The following FBLN5 variants were observed in gnomAD, a reference collection of about 807,000 sequenced individuals.
FBLN5 encodes fibulin-5.
Under a neutral mutation model 61.6 loss-of-function variants are expected in FBLN5, and 24 were observed. That is an observed-to-expected ratio of 0.39 (90% confidence interval 0.28 to 0.55). The LOEUF is 0.55. FBLN5 is among the 20% of genes least tolerant of loss of function. The probability of loss-of-function intolerance (pLI) is 0.65; values close to 1 mark genes in which losing one functional copy is unlikely to be tolerated. For missense variants in FBLN5, 470 were observed against 594.1 expected (o/e 0.79, Z 2.17); for synonymous variants, 213 against 219.8 (o/e 0.97, Z 0.27).
chr14:91,931,436 T>G (rs1296812816), intron 4 of FBLN5, among the ~76,000 whole-genome samples: 1 of 152,176 alleles, frequency 6.6e-6, no homozygotes. Context: ...ACTGGCTGGC[T>G]TTCAGGAAAA....
intron 4 of FBLN5, among the ~76,000 whole-genome samples, chr14:91,916,330 C>T (rs1035073933): frequency 3.3e-5 from 5 of 152,210 alleles, no homozygotes; most frequent in Admixed American, 3.3e-4. Flanking sequence ...TGCCTGTAAT[C>T]CCAGCTACTC....
chr14:91,919,219 T>G (rs1225607363), intron 4 of FBLN5, among the ~76,000 whole-genome samples: 1 of 151,370 alleles, frequency 6.6e-6, no homozygotes, highest in African/African-American at 2.4e-5. Context: ...TAATCCCAGC[T>G]ACTTGGGTGG....
chr14:91,942,557 G>C (rs2056122229), intron 2 of FBLN5, among the ~76,000 whole-genome samples: 2 of 152,376 alleles, frequency 1.3e-5, no homozygotes, highest in Admixed American at 6.5e-5. Context: ...ACCTAGTGAT[G>C]AATTGATAGG....
chr14:91,923,359 C>T (rs1445607526), intron 4 of FBLN5, among the ~76,000 whole-genome samples: 1 of 152,236 alleles, frequency 6.6e-6, no homozygotes, highest in South Asian at 2.1e-4. Flanking sequence ...GGTGGGGAAT[C>T]TTGAGTGCCA....
At chr14:91,898,523 C>T (rs117915994) in intron 4 of FBLN5, among the ~76,000 whole-genome samples, 108 of 152,186 alleles carry the variant, frequency 7.1e-4, no homozygotes, top group Non-Finnish European at 1.3e-3. Flanking sequence ...CAGCTCACAG[C>T]GGAACTTCTT....
At chr14:91,878,050 CA>C (rs745443753) in intron 9 of FBLN5, 176 of 406,930 alleles carry the variant, frequency 4.3e-4, no homozygotes, top group South Asian at 1.2e-3. Context: ...AAAAACAAAA[CA>C]AAAAAAAAGG....
intron 7 of FBLN5, among the ~76,000 whole-genome samples, chr14:91,886,061 C>G (rs1442089653): frequency 2.0e-5 from 3 of 152,222 alleles, no homozygotes; most frequent in African/African-American, 7.2e-5. Flanking sequence ...CTTCAGTTGT[C>G]AGTGAGACTA....
intron 4 of FBLN5, among the ~76,000 whole-genome samples, chr14:91,919,563 T>C (rs552540306): frequency 1.1e-4 from 17 of 152,236 alleles, no homozygotes; most frequent in African/African-American, 3.6e-4. Flanking sequence ...CCTCAGAATG[T>C]GACTGCAATT....
At chr14:91,889,995 A>C (rs1355479005) in intron 6 of FBLN5, among the ~76,000 whole-genome samples, 1 of 152,216 alleles carries the variant, frequency 6.6e-6, no homozygotes, top group Non-Finnish European at 1.5e-5. Context: ...AGAAGCCTGC[A>C]TCTGCCCTAA....
At chr14:91,931,515 CCT>C (rs2055923550) in intron 4 of FBLN5, among the ~76,000 whole-genome samples, 1 of 152,218 alleles carries the variant, frequency 6.6e-6, no homozygotes, top group Non-Finnish European at 1.5e-5. Context: ...TTGCTCTCTG[CCT>C]GTTCTCAGAT....
At chr14:91,912,088 C>G (rs1225993650) in intron 4 of FBLN5, among the ~76,000 whole-genome samples, 1 of 152,248 alleles carries the variant, frequency 6.6e-6, no homozygotes, top group Non-Finnish European at 1.5e-5. Flanking sequence ...GTTGTACTAT[C>G]TAAATGTTAT....
chr14:91,946,819 C>CT, intron 1 of FBLN5: 1 of 1,532,156 alleles, frequency 6.5e-7, no homozygotes, highest in Non-Finnish European at 8.7e-7. Flanking sequence ...AGCCTGTCTG[C>CT]TTGTCTATCA....
At position 91,904,328 on chromosome 14, in the gene FBLN5, T is replaced by C. The variant is rs549324724; in HGVS notation, c.380-9256A>G. Among the ~76,000 whole-genome samples the C allele has an allele frequency of 4.6e-5, 7 of 152,208 alleles. No homozygotes were observed. In the South Asian group the frequency reaches 1.2e-3, roughly 27 times the overall value. ...GAAGAGACAAGTCCACCATCTACCTTATTGTGGCCCGTCTCTCATTCCCAG... is the reference window on the plus strand; with the variant it reads ...GAAGAGACAAGTCCACCATCTACCTCATTGTGGCCCGTCTCTCATTCCCAG... On this transcript the variant is annotated intron_variant, in intron 4 of 10. Transcript: ENST00000342058.
chr14:91,873,653 T>C (rs1384179892), intron 10 of FBLN5: 2 of 152,310 alleles, frequency 1.3e-5, no homozygotes, highest in East Asian at 3.8e-4. Flanking sequence ...TGAAGCCTCA[T>C]ATGCAGTGGT....
intron 7 of FBLN5, among the ~76,000 whole-genome samples, chr14:91,884,871 T>C (rs1401321839): frequency 2.0e-5 from 3 of 152,212 alleles, no homozygotes; most frequent in Non-Finnish European, 2.9e-5. Flanking sequence ...CAGACTTTGC[T>C]TAGGGCTGTG....
chr14:91,907,738 A>C (rs182464156), intron 4 of FBLN5, among the ~76,000 whole-genome samples: 3 of 152,276 alleles, frequency 2.0e-5, no homozygotes, highest in Non-Finnish European at 2.9e-5. Context: ...TGGATGAAGA[A>C]GGAAAAGTAG....
intron 9 of FBLN5, among the ~76,000 whole-genome samples, chr14:91,879,549 G>A (rs1404687491): frequency 1.4e-5 from 2 of 138,446 alleles, no homozygotes; most frequent in Admixed American, 7.9e-5. Flanking sequence ...AGCTGAAATG[G>A]GTCAGCTCCC....
At chr14:91,874,180 A>C (rs1889066170) in intron 10 of FBLN5, 1 of 152,198 alleles carries the variant, frequency 6.6e-6, no homozygotes, top group African/African-American at 2.4e-5. Context: ...TAATCAAATC[A>C]ATGAATCTCA....
At chr14:91,929,793 C>A (rs1232406841) in intron 4 of FBLN5, among the ~76,000 whole-genome samples, 2 of 152,228 alleles carry the variant, frequency 1.3e-5, no homozygotes, top group South Asian at 4.1e-4. Context: ...GTTCCCTGGA[C>A]CAGCAGCGTG....
Sources: allele counts gnomAD v4.1 joint callset (sites outside exome capture counted in the v4.1 genomes callset), GRCh38; gene constraint gnomAD v4.1.1; transcripts MANE v1.5; gene names NCBI Gene and HGNC (gene_info 2026-07-23, HGNC 2026-07-21).